The following ARHGAP24 variants were observed in gnomAD, a reference collection of about 807,000 sequenced individuals.
ARHGAP24 encodes the protein Rho GTPase activating protein 24, also known as rho GTPase-activating protein 24.
Under a neutral mutation model 76.4 loss-of-function variants are expected in ARHGAP24, and 50 were observed. The observed-to-expected ratio is 0.65, with a 90% CI of 0.52 to 0.83. The LOEUF (loss-of-function observed/expected upper bound fraction) is 0.83, where lower values mean the gene tolerates loss of function less well. ARHGAP24 is among the 40% of genes least tolerant of loss of function. The pLI, the probability that ARHGAP24 is intolerant of heterozygous loss-of-function variation, is 0.00. For synonymous variants in ARHGAP24, 345 were observed against 323.3 expected, an observed-to-expected ratio of 1.07 and a Z score of -0.72; for missense variants, 930 against 914.2, an observed-to-expected ratio of 1.02 and a Z score of -0.22.
At chr4:85,936,412 C>A (rs1307083449) in intron 4 of ARHGAP24, among the ~76,000 whole-genome samples, 1 of 152,070 alleles carries the variant, frequency 6.6e-6, no homozygotes, top group Non-Finnish European at 1.5e-5. Context: ...AAACAAAAGG[C>A]CTTGACTGTG....
At chr4:85,771,522 G>A (rs374011802) in intron 3 of ARHGAP24, among the ~76,000 whole-genome samples, 3 of 152,300 alleles carry the variant, frequency 2.0e-5, no homozygotes, top group East Asian at 1.9e-4. Flanking sequence ...GAAGGCTAAC[G>A]ACTTCTGGAA....
At chr4:85,998,551 T>C (rs938507605) in intron 9 of ARHGAP24, among the ~76,000 whole-genome samples, 3 of 152,182 alleles carry the variant, frequency 2.0e-5, no homozygotes, top group African/African-American at 7.2e-5. Context: ...CTTCTCAATT[T>C]TCTCTTTCCA....
In ARHGAP24 at chr4:85,994,754, A is replaced by G; in HGVS notation, c.1100A>G (p.Lys367Arg). Residue 367 changes from lysine to arginine, a missense_variant, in exon 9 of 10, where the codon AAG becomes AGG. By Grantham distance (26) the Lys-to-Arg change is conservative. Coordinates refer to ENST00000395184, the MANE Select transcript of ARHGAP24 (RefSeq NM_001025616.3). ...QLQNKENNNT[K>R]DSPSRQCSWD... ...CAGAACAAGGAGAACAATAACACCA[A>G]GGACAGCCCTAGTAGGCAGTGCTCC... 3 of 1,614,164 alleles carry G rather than the reference A, an allele frequency of 1.9e-6. No individual in the cohort carries two copies. The highest frequency in any genetic ancestry group is 2.5e-6 in the Non-Finnish European group (3 of 1,180,028).
intron 3 of ARHGAP24, among the ~76,000 whole-genome samples, chr4:85,816,221 A>G (rs1044838199): frequency 2.0e-5 from 3 of 152,190 alleles, no homozygotes; most frequent in Admixed American, 6.6e-5. Context: ...TGTTTTCAAT[A>G]TAGTCATCAT....
intron 1 of ARHGAP24, among the ~76,000 whole-genome samples, chr4:85,568,056 T>C (rs1381510258): frequency 6.6e-6 from 1 of 152,176 alleles, no homozygotes; most frequent in Non-Finnish European, 1.5e-5. Flanking sequence ...AAACAACATA[T>C]GCAAAAGGAA....
intron 3 of ARHGAP24, among the ~76,000 whole-genome samples, chr4:85,770,171 TC>T (rs1407804613): frequency 2.0e-5 from 3 of 152,196 alleles, no homozygotes; most frequent in African/African-American, 7.2e-5. Context: ...CCTCCTCTAT[TC>T]ATTTCCAACA....
At chr4:85,854,558 T>C (rs1386953180) in intron 3 of ARHGAP24, among the ~76,000 whole-genome samples, 1 of 152,240 alleles carries the variant, frequency 6.6e-6, no homozygotes, top group African/African-American at 2.4e-5. Flanking sequence ...TCAAAACTCC[T>C]TTTGGAAAGT....
intron 1 of ARHGAP24, among the ~76,000 whole-genome samples, chr4:85,492,481 T>C (rs1723399023): frequency 1.3e-5 from 2 of 152,176 alleles, no homozygotes; most frequent in South Asian, 4.1e-4. Flanking sequence ...ATTACTGTGA[T>C]AATGGATTCA....
At chr4:85,619,240 G>A (rs150997478) in intron 2 of ARHGAP24, among the ~76,000 whole-genome samples, 11 of 152,106 alleles carry the variant, frequency 7.2e-5, no homozygotes, top group Non-Finnish European at 1.2e-4. Context: ...CCCACTGTGT[G>A]TGCTTGTCAT....
intron 8 of ARHGAP24, among the ~76,000 whole-genome samples, chr4:85,982,737 GT>G (rs1295859885): frequency 6.6e-6 from 1 of 152,090 alleles, no homozygotes; most frequent in Non-Finnish European, 1.5e-5. Flanking sequence ...ATAGAAAGTT[GT>G]TTTTTGTGTG....
chr4:85,977,553 A>G lies in ARHGAP24; in HGVS notation c.807-17A>G. ...TTTGATCCCATTGTATTTCAATCATATGCTTATACTCCATAGATTCTTGGA... is the reference window on the plus strand; with the variant it reads ...TTTGATCCCATTGTATTTCAATCATGTGCTTATACTCCATAGATTCTTGGA... On this transcript the variant is annotated splice_polypyrimidine_tract_variant and intron_variant, in intron 7 of 9. Coordinates refer to ENST00000395184, the MANE Select transcript of ARHGAP24 (RefSeq NM_001025616.3). 1 of 1,612,080 alleles carries G rather than the reference A, an allele frequency of 6.2e-7. No homozygotes were observed. The highest frequency in any genetic ancestry group is 1.7e-5 in the Admixed American group (1 of 59,942).
chr4:85,821,090 T>G (rs1278858490), intron 3 of ARHGAP24, among the ~76,000 whole-genome samples: 1 of 152,104 alleles, frequency 6.6e-6, no homozygotes, highest in Non-Finnish European at 1.5e-5. Context: ...AAAATGTATA[T>G]GTGTACTATG....
intron 3 of ARHGAP24, among the ~76,000 whole-genome samples, chr4:85,806,945 C>G (rs1307731280): frequency 6.6e-6 from 1 of 152,022 alleles, no homozygotes; most frequent in Non-Finnish European, 1.5e-5. Context: ...TAACAAAAGA[C>G]CTATATTATG....
chr4:85,821,636 C>T (rs1442133296), intron 3 of ARHGAP24, among the ~76,000 whole-genome samples: 2 of 152,194 alleles, frequency 1.3e-5, no homozygotes, highest in Admixed American at 6.5e-5. Context: ...CCTCCTGCCT[C>T]GTCCTCTTAA....
At chr4:85,636,373 TG>T (rs1721308182) in intron 2 of ARHGAP24, among the ~76,000 whole-genome samples, 1 of 151,978 alleles carries the variant, frequency 6.6e-6, no homozygotes, top group South Asian at 2.1e-4. Flanking sequence ...GTGTTCTAGT[TG>T]CAGAGTCCCC....
chr4:85,751,462 G>T (rs1040801924), intron 3 of ARHGAP24, among the ~76,000 whole-genome samples: 5 of 152,154 alleles, frequency 3.3e-5, no homozygotes, highest in Non-Finnish European at 1.5e-5. Context: ...AAATTCTGGG[G>T]TTTATAGGCC....
chr4:85,762,669 A>G (rs56156027), intron 3 of ARHGAP24, among the ~76,000 whole-genome samples: 8,635 of 152,254 alleles, frequency 0.057, 329 homozygotes, highest in Middle Eastern at 0.099. Context: ...CCATGAGTGA[A>G]TGAGCTGGGA....
chr4:85,653,613 A>G (rs891162640), intron 2 of ARHGAP24, among the ~76,000 whole-genome samples: 2 of 152,100 alleles, frequency 1.3e-5, no homozygotes, highest in Non-Finnish European at 1.5e-5. Context: ...AGCTGGGATT[A>G]CAGGTGCCTG....
intron 3 of ARHGAP24, among the ~76,000 whole-genome samples, chr4:85,739,019 A>G (rs1318157758): frequency 2.6e-5 from 4 of 152,196 alleles, no homozygotes; most frequent in Admixed American, 6.5e-5. Flanking sequence ...TGAGAACACC[A>G]TGGATTGCCT....
Sources: gnomAD v4.1 joint callset for allele counts (sites outside exome capture counted in the v4.1 genomes callset) on GRCh38, gnomAD v4.1.1 for gene constraint, MANE v1.5 for transcripts, NCBI Gene and HGNC (gene_info 2026-07-23, HGNC 2026-07-21) for gene names.